EPN2: variants seen among roughly 807,000 people sequenced by gnomAD.
EPN2 encodes epsin 2.
A neutral mutation model predicts 61.7 loss-of-function variants in EPN2; 34 were observed. That is an observed-to-expected ratio of 0.55 (90% CI 0.42 to 0.73). EPN2 has a LOEUF of 0.73. EPN2 is among the 30% of genes least tolerant of loss of function. The pLI is 0.00. For missense variants in EPN2, 714 were observed against 839.2 expected, an observed-to-expected ratio of 0.85 and a Z score of 1.84; for synonymous variants, 349 against 353.6, an observed-to-expected ratio of 0.99 and a Z score of 0.15.
chr17:19,243,282 C>T (rs998309421), intron 1 of EPN2, among the ~76,000 whole-genome samples: 9 of 145,632 alleles, frequency 6.2e-5, no homozygotes, highest in African/African-American at 1.3e-4. Flanking sequence ...TGCGGTGGCG[C>T]GATCTTGGTT....
rs59492982 is a variant in EPN2 at position 19,253,410 on chromosome 17, C to CTTTTT, written c.-294+15897_-294+15901dup. 1.2e-4 allele frequency among the ~76,000 whole-genome samples: 12 copies of CTTTTT among 101,868 alleles called. 1 individual carries two copies. The highest frequency in any genetic ancestry group is 1.3e-4 in the African/African-American group (3 of 23,940). 66.8% of individuals were successfully genotyped at this position (101,868 alleles called of 152,430 possible). A position where few individuals can be genotyped will look rare whatever the true frequency, so the allele number is the denominator to read the frequency against. The stretch of plus-strand genomic sequence containing the variant: ...CACATTTGGCTATTGTAAATAGTTG[C>CTTTTT]TTTTTTTTTTTTTTTTTTTTTTGAT... On this transcript the variant is annotated intron_variant, in intron 1 of 10. Coordinates refer to ENST00000314728, the MANE Select transcript of EPN2 (RefSeq NM_014964.5).
chr17:19,336,351 G>A lies in EPN2; in HGVS notation c.*2097G>A, dbSNP rs1907444857. The A allele has an allele frequency of 1.3e-5, 2 of 152,350 alleles. No homozygotes were observed. Among genetic ancestry groups the A allele is most frequent in the African/African-American group, 2.4e-5 (1 of 41,452 alleles). 9.4% of individuals were successfully genotyped at this position (152,350 alleles called of 1,614,324 possible). On this transcript the variant is annotated 3_prime_UTR_variant, in exon 11 of 11. Transcript: ENST00000314728. ...GGGCCTGGGCCAGCCTTACAGGTCAGTAGACTAGACTCGACTACTTGGGGT... is the reference window on the plus strand; with the variant it reads ...GGGCCTGGGCCAGCCTTACAGGTCAATAGACTAGACTCGACTACTTGGGGT...
In EPN2 at chr17:19,313,099, TA is replaced by T. The variant is rs772709034; in HGVS notation, c.973-2del. ...AAAACCTGTCCCCTTCTCTTTGTCT[TA>T]AAAGCATGGCTCTCTCCCACAGCAG... is the stretch of plus-strand genomic sequence containing the variant. On this transcript the variant is annotated splice_polypyrimidine_tract_variant and splice_region_variant and intron_variant, in intron 6 of 10. Transcript: ENST00000314728. 2 of 1,612,762 alleles carry T rather than the reference TA, an allele frequency of 1.2e-6. No homozygotes were observed. Among genetic ancestry groups the T allele is most frequent in the Non-Finnish European group, 1.7e-6 (2 of 1,179,452 alleles).
chr17:19,292,979 A>T (rs534425226), intron 4 of EPN2, among the ~76,000 whole-genome samples: 3 of 152,302 alleles, frequency 2.0e-5, no homozygotes, highest in Non-Finnish European at 2.9e-5. Flanking sequence ...TTGCTTTAAA[A>T]TTTTTTCTGC....
chr17:19,325,380 A>T (rs1303313257), intron 7 of EPN2, among the ~76,000 whole-genome samples: 1 of 152,244 alleles, frequency 6.6e-6, no homozygotes, highest in African/African-American at 2.4e-5. Context: ...CAAGCCAGGG[A>T]AATATTTTCA....
At chr17:19,237,797 C>T (rs1207850932) in intron 1 of EPN2, among the ~76,000 whole-genome samples, 1 of 152,072 alleles carries the variant, frequency 6.6e-6, no homozygotes, top group Non-Finnish European at 1.5e-5. Flanking sequence ...CCCCCCTTAC[C>T]CGTCCCTATC....
chr17:19,313,385 G>T (rs1906241141), intron 7 of EPN2, 106 bp downstream of exon 7: 3 of 1,093,304 alleles, frequency 2.7e-6, no homozygotes, highest in Admixed American at 6.1e-5. Flanking sequence ...CGATTGTGGT[G>T]GGTGTCCAGG....
intron 4 of EPN2, among the ~76,000 whole-genome samples, chr17:19,305,618 T>A (rs147670476): frequency 1.1e-3 from 173 of 152,338 alleles, no homozygotes; most frequent in African/African-American, 3.8e-3. Context: ...CTTTCACAGT[T>A]ACCTGAAAGT....
Position 19,334,414 on chromosome 17 carries a change from A to G in EPN2, c.*160A>G. On this transcript the variant is annotated 3_prime_UTR_variant, in exon 11 of 11. Coordinates refer to ENST00000314728, the MANE Select transcript of EPN2 (RefSeq NM_014964.5). This position sits in a 1 kb window ranked among gnomAD's most constrained non-coding sequence, Gnocchi z 4.9. ...GGCTGTCTTTACAGCCCCAACCCTC[A>G]GACCCTCGCCTTCCAAGGCAGGCCC... 3 of 526,686 alleles carry G rather than the reference A, an allele frequency of 5.7e-6. No homozygotes were observed. Among genetic ancestry groups the G allele is most frequent in the Non-Finnish European group, 9.1e-6 (3 of 330,400 alleles). 32.6% of individuals were successfully genotyped at this position (526,686 alleles called of 1,614,324 possible).
At position 19,312,092 on chromosome 17, in the gene EPN2, T is replaced by C. The variant is rs1478627349; in HGVS notation, c.920T>C (p.Met307Thr). ...LRRGDDLRLQ[M>T]ALEESRRDTV... is the part of the protein sequence containing the mutation. ...CGGGGTGATGACCTCAGATTACAGA[T>C]GGCCCTGGAAGAAAGCCGAAGGGAC... Residue 307 changes from methionine to threonine, a missense_variant, in exon 6 of 11, where the codon ATG becomes ACG. By Grantham distance (81) the Met-to-Thr change is moderately conservative. Transcript: ENST00000314728. 1 of 1,614,162 alleles carries C rather than the reference T, an allele frequency of 6.2e-7. No homozygotes were observed. Among genetic ancestry groups the C allele is most frequent in the Non-Finnish European group, 8.5e-7 (1 of 1,179,992 alleles).
chr17:19,280,848 T>C (rs1176203022), intron 1 of EPN2, among the ~76,000 whole-genome samples: 1 of 152,078 alleles, frequency 6.6e-6, no homozygotes, highest in Non-Finnish European at 1.5e-5. Flanking sequence ...ACAAGAACAC[T>C]CCCTTCTTCC....
chr17:19,313,376 G>A (rs1406421760), intron 7 of EPN2, 97 bp downstream of exon 7: 40 of 1,203,550 alleles, frequency 3.3e-5, no homozygotes, highest in Non-Finnish European at 4.1e-5. Context: ...GGGTCTGGTC[G>A]ATTGTGGTGG....
chr17:19,242,978 AG>A (rs1353862191), intron 1 of EPN2, among the ~76,000 whole-genome samples: 1 of 152,210 alleles, frequency 6.6e-6, no homozygotes, highest in Non-Finnish European at 1.5e-5. Flanking sequence ...TGTGGCAGAT[AG>A]CTTTGGAATG....
intron 1 of EPN2, among the ~76,000 whole-genome samples, chr17:19,240,248 G>A (rs1030226742): frequency 2.0e-5 from 3 of 151,264 alleles, no homozygotes; most frequent in Admixed American, 6.6e-5. Flanking sequence ...TGGATTTGGG[G>A]AATTTTTTTT....
At chr17:19,281,790 T>C (rs2045361129) in intron 1 of EPN2, among the ~76,000 whole-genome samples, 165 bp from the exon 2 acceptor site, 1 of 152,144 alleles carries the variant, frequency 6.6e-6, no homozygotes, top group Non-Finnish European at 1.5e-5. Flanking sequence ...CCTTGCTTCC[T>C]ATCCGGGCCC....
chr17:19,274,904 T>G (rs754829398), intron 1 of EPN2, among the ~76,000 whole-genome samples: 8 of 152,202 alleles, frequency 5.3e-5, no homozygotes, highest in Non-Finnish European at 1.0e-4. Flanking sequence ...CTGTTTTGTT[T>G]AGTCTCTTTT....
At chr17:19,295,354 AC>A (rs2045505420) in intron 4 of EPN2, among the ~76,000 whole-genome samples, 2 of 63,464 alleles carry the variant, frequency 3.2e-5, no homozygotes, top group African/African-American at 7.2e-5. Flanking sequence ...ACACACACAC[AC>A]ACACACACAC....
At chr17:19,321,580 G>A (rs1303111355) in intron 7 of EPN2, among the ~76,000 whole-genome samples, 1 of 152,202 alleles carries the variant, frequency 6.6e-6, no homozygotes, top group Non-Finnish European at 1.5e-5. Flanking sequence ...GAAAGCAGGA[G>A]TGGGGGATAG....
At position 19,320,551 on chromosome 17, in the gene EPN2, T is replaced by C. The variant is rs568332985; in HGVS notation, c.1147+7272T>C. 9.9e-5 allele frequency among the ~76,000 whole-genome samples: 15 copies of C among 152,176 alleles called. No individual in the cohort carries two copies. In the South Asian group the frequency reaches 2.9e-3, roughly 29 times the overall value. On this transcript the variant is annotated intron_variant, in intron 7 of 10. Coordinates refer to ENST00000314728, the MANE Select transcript of EPN2 (RefSeq NM_014964.5). Reference sequence around the variant, plus strand: ...GAGTCATCTCAGTAGCTTCTAAAAATCCAAATGCTCAGGCCCACCCCAGAA... The same window carrying C: ...GAGTCATCTCAGTAGCTTCTAAAAACCCAAATGCTCAGGCCCACCCCAGAA...
Sources: allele counts gnomAD v4.1 joint callset (sites outside exome capture counted in the v4.1 genomes callset), GRCh38; gene constraint gnomAD v4.1.1; non-coding constraint Gnocchi (gnomAD v3.1); transcripts MANE v1.5; gene names NCBI Gene and HGNC (gene_info 2026-07-23, HGNC 2026-07-21).